Variants in PKD1L1 observed in about 807,000 individuals in gnomAD.
PKD1L1 encodes the protein polycystin-1-like protein 1.
PKD1L1 carries 236 observed loss-of-function variants against 323.4 expected under a neutral mutation model. That is an observed-to-expected ratio of 0.73 (90% CI 0.66 to 0.81). The LOEUF (loss-of-function observed/expected upper bound fraction) is 0.81, where lower values mean the gene tolerates loss of function less well. Among genes scored for constraint, PKD1L1 ranks in the 40% least tolerant of loss-of-function variants. The pLI, the probability that PKD1L1 is intolerant of heterozygous loss-of-function variation, is 0.00. For synonymous variants in PKD1L1, 1,344 were observed against 1,335.0 expected, an observed-to-expected ratio of 1.01 and a Z score of -0.15; for missense variants, 3,320 against 3,508.0, an observed-to-expected ratio of 0.95 and a Z score of 1.35.
chr7:47,833,657 C>T (rs551352657), intron 40 of PKD1L1, among the ~76,000 whole-genome samples: 16 of 152,218 alleles, frequency 1.1e-4, no homozygotes, highest in African/African-American at 3.4e-4. Flanking sequence ...TTTCCAGCAG[C>T]GGATCGAGAG....
Position 47,800,919 on chromosome 7 carries a change from T to G in PKD1L1, c.7963-40A>C, listed in dbSNP as rs779367655. On this transcript the variant is annotated intron_variant, in intron 53 of 56. Coordinates refer to ENST00000289672, the MANE Select transcript of PKD1L1 (RefSeq NM_138295.5). ...TCCAGAGAGCACTGACCTTGTCACC[T>G]CTTCTTAGGAGTGGAAGACTCAACT... 11 of 1,544,486 alleles carry G rather than the reference T, an allele frequency of 7.1e-6. No individual in the cohort carries two copies. In the Admixed American group the frequency reaches 1.3e-4, roughly 19 times the overall value.
chr7:47,862,943 C>T (rs1786065047), intron 26 of PKD1L1, among the ~76,000 whole-genome samples: 1 of 152,166 alleles, frequency 6.6e-6, no homozygotes, highest in Admixed American at 6.5e-5. Flanking sequence ...GACTTGACTG[C>T]TGTGTGTAGC....
At chr7:47,876,443 C>A (rs1347872178) in intron 22 of PKD1L1, among the ~76,000 whole-genome samples, 1 of 152,016 alleles carries the variant, frequency 6.6e-6, no homozygotes, top group East Asian at 1.9e-4. Context: ...CACTGAGATT[C>A]CCCACCAGTG....
rs1354225354 is a variant in PKD1L1, at chr7:47,812,014, T to C, written c.7384A>G (p.Ser2462Gly). The change falls in exon 50 of 57, where the codon AGC becomes GGC. Residue 2462 changes from serine (S) to glycine (G), a missense_variant. By Grantham distance (56) the Ser-to-Gly change is moderately conservative (BLOSUM62 0). Transcript: ENST00000289672. ...CTGGTGCTGCGGTCAATCCACATGC[T>C]GGCCCTGAGTCGGGACAGGGCTGTG... ...AHTALSRLRA[S>G]MWIDRSTRAV... 7.6e-6 allele frequency: 12 copies of C among 1,579,398 alleles called. No individual in the cohort carries two copies. In the Admixed American group the frequency reaches 2.2e-4, roughly 29 times the overall value.
intron 32 of PKD1L1, among the ~76,000 whole-genome samples, chr7:47,845,671 C>A (rs527993402): frequency 6.6e-6 from 1 of 152,294 alleles, no homozygotes; most frequent in South Asian, 2.1e-4. Context: ...CTCACTGCAA[C>A]CTCTGCCTCC....
intron 51 of PKD1L1, 70 bp from the exon 52 acceptor site, chr7:47,808,457 C>T (rs769540724): frequency 5.1e-5 from 80 of 1,578,860 alleles, no homozygotes; most frequent in Middle Eastern, 2.2e-4. Flanking sequence ...CCATGTGACA[C>T]GCGTTTGTAA....
At chr7:47,953,087 C>T (rs1409573789), upstream of PKD1L1, among the ~76,000 whole-genome samples, 1 of 152,174 alleles carries the variant, frequency 6.6e-6, no homozygotes, top group African/African-American at 2.4e-5. Flanking sequence ...ATGCGATGAT[C>T]ACAGTAGGAA....
intron 16 of PKD1L1, among the ~76,000 whole-genome samples, chr7:47,890,195 T>C (rs554589681): frequency 6.6e-6 from 1 of 152,350 alleles, no homozygotes; most frequent in East Asian, 1.9e-4. Flanking sequence ...GGGAACTTGA[T>C]GGCTTTGCCT....
At chr7:47,880,900 CA>C in intron 20 of PKD1L1, 95 bp from the exon 21 acceptor site, 8 of 963,248 alleles carry the variant, frequency 8.3e-6, no homozygotes, top group Non-Finnish European at 1.2e-5. Context: ...ACTCTTCCCC[CA>C]GGGGTGAAAT....
chr7:47,833,335 G>A (rs1415126541), intron 40 of PKD1L1, 83 bp from the exon 41 acceptor site: 9 of 1,459,928 alleles, frequency 6.2e-6, no homozygotes, highest in East Asian at 4.9e-5. Context: ...GTGGCTTGCC[G>A]CCTTCTCAGA....
At chr7:47,817,875 A>C (rs1159481410) in intron 46 of PKD1L1, 1 of 491,830 alleles carries the variant, frequency 2.0e-6, no homozygotes, top group South Asian at 2.3e-5. Flanking sequence ...GTCTCAAAAA[A>C]AAAATTTCCA....
intron 13 of PKD1L1, among the ~76,000 whole-genome samples, chr7:47,901,064 G>A (rs911257558): frequency 1.3e-5 from 2 of 151,764 alleles, no homozygotes; most frequent in African/African-American, 4.8e-5. Context: ...AAATGACCGG[G>A]CAGGGTCCTT....
Position 47,811,863 on chromosome 7 carries a change from A to T in PKD1L1, c.7535T>A (p.Ile2512Asn), listed in dbSNP as rs753515397. 17 of 1,610,920 alleles carry T rather than the reference A, an allele frequency of 1.1e-5. No individual in the cohort carries two copies. The South Asian group carries it at 1.1e-4, about 11-fold the overall frequency. ...VPSSLVESFS[I>N]FRSDSALQYH... is the part of the protein sequence containing the mutation. ...CTGCAGGGCTGAGTCGCTGCGGAAG[A>T]TGCTGAATGACTCCACCAGGGATGA... Residue 2512 changes from isoleucine (I) to asparagine (N), a missense_variant, in exon 50 of 57, where the codon ATC becomes AAC. Transcript: ENST00000289672.
rs1176735300 is a variant in PKD1L1 at position 47,831,361 on chromosome 7, G to C, written c.6338-9C>G. Reference sequence around the variant, plus strand: ...CAAACCACTGCTGGGTGCTGCGGAAGAGTAGGACAGAGACAAGGCAGCTTA... The same window carrying C: ...CAAACCACTGCTGGGTGCTGCGGAACAGTAGGACAGAGACAAGGCAGCTTA... On this transcript the variant is annotated splice_polypyrimidine_tract_variant and intron_variant, in intron 41 of 56. Transcript: ENST00000289672. The C allele has an allele frequency of 2.5e-6, 4 of 1,607,002 alleles. No homozygotes were observed. Among genetic ancestry groups the C allele is most frequent in the African/African-American group, 2.7e-5 (2 of 74,566 alleles).
chr7:47,890,698 T>G lies in PKD1L1; in HGVS notation c.2519A>C (p.His840Pro). Residue 840 changes from histidine (H) to proline (P), a missense_variant, in exon 16 of 57, where the codon CAC becomes CCC. By Grantham distance (77) the His-to-Pro change is moderately conservative. Transcript: ENST00000289672. ...AGTGGGAGCCGCGGCATCCAGTTGG[T>G]GTGCAGTGGAGGAGTCGAAGCAGGG... ...AHPCFDSSTA[H>P]QLDAAAPTVS... 1 of 1,613,716 alleles carries G rather than the reference T, an allele frequency of 6.2e-7. No individual in the cohort carries two copies. Among genetic ancestry groups the G allele is most frequent in the Non-Finnish European group, 8.5e-7 (1 of 1,180,016 alleles).
the PKD1L1 span, among the ~76,000 whole-genome samples, chr7:47,956,231 G>A: frequency 5.3e-5 from 8 of 152,162 alleles, no homozygotes; most frequent in African/African-American, 1.7e-4. Context: ...ACATAGCACC[G>A]CACTTGGAGA....
chr7:47,946,367 ACACACTCACACCACAC>A lies in PKD1L1; in HGVS notation c.44+2014_44+2029del, dbSNP rs957274459. Reference sequence around the variant, plus strand: ...AATACCTACCACACAAACACACACCACACACTCACACCACACCACACTCACACCACACAAACACACC... The same window carrying A: ...AATACCTACCACACAAACACACACCACACACTCACACCACACAAACACACC... On this transcript the variant is annotated intron_variant, in intron 1 of 56. Coordinates refer to ENST00000289672, the MANE Select transcript of PKD1L1 (RefSeq NM_138295.5). The surrounding 1 kb of genome is among the most constrained non-coding windows in gnomAD (Gnocchi z 4.1). 6.6e-6 allele frequency among the ~76,000 whole-genome samples: 1 copy of A among 151,140 alleles called. No homozygotes were observed. The highest frequency in any genetic ancestry group is 1.5e-5 in the Non-Finnish European group (1 of 67,844).
intron 6 of PKD1L1, 143 bp downstream of exon 6, chr7:47,930,961 T>C (rs1327088610): frequency 1.1e-6 from 1 of 880,926 alleles, no homozygotes; most frequent in African/African-American, 1.7e-5. Flanking sequence ...TACAGCATTG[T>C]AACTTGAAAG....
chr7:47,798,458 T>C (rs1784589617), intron 54 of PKD1L1, among the ~76,000 whole-genome samples: 1 of 152,096 alleles, frequency 6.6e-6, no homozygotes, highest in African/African-American at 2.4e-5. Context: ...CATAGAACTA[T>C]AAAAATTCTA....
Sources: gnomAD v4.1 joint callset for allele counts (sites outside exome capture counted in the v4.1 genomes callset) on GRCh38, gnomAD v4.1.1 for gene constraint, Gnocchi (gnomAD v3.1) non-coding constraint, MANE v1.5 for transcripts, NCBI Gene and HGNC (gene_info 2026-07-23, HGNC 2026-07-21) for gene names.